Variants in ARIH1 observed in about 807,000 individuals in gnomAD.
ARIH1 encodes the protein E3 ubiquitin-protein ligase ARIH1.
ARIH1 carries 8 observed loss-of-function variants against 85.0 expected under a neutral mutation model. The observed-to-expected ratio is 0.09, with a 90% CI of 0.06 to 0.17. The LOEUF (loss-of-function observed/expected upper bound fraction) is 0.17, where lower values mean the gene tolerates loss of function less well. Among genes scored for constraint, ARIH1 ranks in the 10% least tolerant of loss-of-function variants. ARIH1 has a pLI of 1.00. For missense variants in ARIH1, 311 were observed against 718.1 expected (o/e 0.43, Z 6.48); for synonymous variants, 238 against 253.6 (o/e 0.94, Z 0.59).
chr15:72,559,824 T>C (rs1198902275), intron 5 of ARIH1, among the ~76,000 whole-genome samples: 1 of 152,210 alleles, frequency 6.6e-6, no homozygotes, highest in Admixed American at 6.5e-5. Context: ...CTTTAATGTT[T>C]TCAAGATTCA....
intron 3 of ARIH1, 52 bp downstream of exon 3, chr15:72,545,016 A>G: frequency 6.9e-7 from 1 of 1,454,980 alleles, no homozygotes; most frequent in Admixed American, 2.2e-5. Context: ...TCAGAGGGTA[A>G]ATCAACTTCC....
chr15:72,479,469 C>T (rs974458563), intron 1 of ARIH1, among the ~76,000 whole-genome samples: 3 of 151,312 alleles, frequency 2.0e-5, no homozygotes, highest in Admixed American at 6.6e-5. Flanking sequence ...GCAGTGGTGG[C>T]GTGATCTTGG....
In ARIH1 at chr15:72,498,067, T is replaced by C. The variant is rs16957008; in HGVS notation, c.376-20000T>C. Among the ~76,000 whole-genome samples the C allele has an allele frequency of 6.4e-3, 973 of 152,294 alleles. 48 individuals carry two copies. In the East Asian group the frequency reaches 0.097, roughly 15 times the overall value. On this transcript the variant is annotated intron_variant, in intron 1 of 13. Transcript: ENST00000379887. ...TGGAAACCTTTTCAGTTATCTGTTT[T>C]TGATTCTACCAAAGGTATTAGGTAT...
chr15:72,560,439 C>T (rs1246372878), intron 5 of ARIH1, among the ~76,000 whole-genome samples: 1 of 152,198 alleles, frequency 6.6e-6, no homozygotes, highest in African/African-American at 2.4e-5. Context: ...TCTAGTCTCA[C>T]AACCATGTTT....
chr15:72,559,331 A>G (rs2064187993), intron 5 of ARIH1, among the ~76,000 whole-genome samples: 1 of 151,988 alleles, frequency 6.6e-6, no homozygotes, highest in Admixed American at 6.6e-5. Flanking sequence ...CAGTAGTGGC[A>G]TGATCTCGGC....
intron 11 of ARIH1, among the ~76,000 whole-genome samples, chr15:72,576,292 T>A (rs1595874430): frequency 6.6e-6 from 1 of 151,792 alleles, no homozygotes; most frequent in African/African-American, 2.4e-5. Context: ...GATCACAAGG[T>A]CAGGAGATGG....
At chr15:72,534,723 CG>C (rs2064073327) in intron 2 of ARIH1, among the ~76,000 whole-genome samples, 1 of 152,092 alleles carries the variant, frequency 6.6e-6, no homozygotes, top group Non-Finnish European at 1.5e-5. Flanking sequence ...CCATACTCCC[CG>C]GATTTGGGGT....
At position 72,587,362 on chromosome 15, in the gene ARIH1, A is replaced by G. The variant is rs750469711; in HGVS notation, c.*4070A>G. ...ACTATTATAAATGCCTATCACTGCT[A>G]CTGTTAGAGGTTGCTCTATACTATC... is the stretch of plus-strand genomic sequence containing the variant. On this transcript the variant is annotated 3_prime_UTR_variant, in exon 14 of 14. Transcript: ENST00000379887. 4.4e-6 allele frequency: 2 copies of G among 457,786 alleles called. No individual in the cohort carries two copies. The highest frequency in any genetic ancestry group is 9.0e-6 in the Non-Finnish European group (2 of 221,322). The allele number at this position is 457,786 out of a possible 1,614,324, so 28.4% of individuals were successfully genotyped here.
At chr15:72,552,452 T>C (rs1321496853) in intron 3 of ARIH1, among the ~76,000 whole-genome samples, 1 of 152,166 alleles carries the variant, frequency 6.6e-6, no homozygotes, top group Non-Finnish European at 1.5e-5. Context: ...CACACCTGGC[T>C]AGTTTTTTTG....
chr15:72,487,005 G>A (rs2140394106), intron 1 of ARIH1, among the ~76,000 whole-genome samples: 1 of 151,788 alleles, frequency 6.6e-6, no homozygotes, highest in East Asian at 1.9e-4. Flanking sequence ...GACAATTTTG[G>A]TTTTAAGGCC....
chr15:72,528,999 G>C (rs577846073), intron 2 of ARIH1, among the ~76,000 whole-genome samples: 66 of 152,176 alleles, frequency 4.3e-4, no homozygotes, highest in Non-Finnish European at 8.2e-4. Context: ...AGGAGATCGA[G>C]ACCATCCTGG....
chr15:72,557,673 T>C (rs1355398277), intron 5 of ARIH1, among the ~76,000 whole-genome samples: 1 of 152,224 alleles, frequency 6.6e-6, no homozygotes, highest in South Asian at 2.1e-4. Flanking sequence ...AAGATTTTTA[T>C]AGATTGAGCT....
intron 1 of ARIH1, among the ~76,000 whole-genome samples, chr15:72,517,597 G>C (rs2063981018): frequency 6.6e-6 from 1 of 151,418 alleles, no homozygotes; most frequent in African/African-American, 2.4e-5. Context: ...GCTAATTTTT[G>C]TATTTTTATT....
chr15:72,545,400 T>G (rs2064124454), intron 3 of ARIH1, among the ~76,000 whole-genome samples: 1 of 152,260 alleles, frequency 6.6e-6, no homozygotes, highest in African/African-American at 2.4e-5. Flanking sequence ...AGATTTTCAC[T>G]TAATCAAATC....
At chr15:72,525,369 C>A (rs2064022861) in intron 2 of ARIH1, among the ~76,000 whole-genome samples, 1 of 152,106 alleles carries the variant, frequency 6.6e-6, no homozygotes. Flanking sequence ...AAACTAGATT[C>A]TTAGCAAACT....
At chr15:72,570,387 A>T (rs998255292) in intron 10 of ARIH1, 80 bp downstream of exon 10, 59 of 1,543,446 alleles carry the variant, frequency 3.8e-5, no homozygotes, top group Middle Eastern at 1.7e-4. Context: ...TACCTCATAG[A>T]TATCACCATC....
intron 1 of ARIH1, among the ~76,000 whole-genome samples, chr15:72,487,628 T>C (rs893212861): frequency 1.3e-5 from 2 of 152,190 alleles, no homozygotes; most frequent in Non-Finnish European, 2.9e-5. Context: ...CTTTTTTTTT[T>C]CCTTCATTTT....
At chr15:72,576,768 ACATAACTGTAATAC>A (rs2140438520) in intron 11 of ARIH1, among the ~76,000 whole-genome samples, 1 of 152,174 alleles carries the variant, frequency 6.6e-6, no homozygotes, top group African/African-American at 2.4e-5. Flanking sequence ...GACTCTCTTT[ACATAACTGTAATAC>A]CATTACAGTT....
chr15:72,512,647 G>A (rs891616415), intron 1 of ARIH1, among the ~76,000 whole-genome samples: 1 of 148,954 alleles, frequency 6.7e-6, no homozygotes, highest in Non-Finnish European at 1.5e-5. Flanking sequence ...TCTTACATAA[G>A]CATTTAATAT....
Sources: gnomAD v4.1 joint callset for allele counts (sites outside exome capture counted in the v4.1 genomes callset) on GRCh38, gnomAD v4.1.1 for gene constraint, MANE v1.5 for transcripts, NCBI Gene and HGNC (gene_info 2026-07-23, HGNC 2026-07-21) for gene names.